Variants in RTKN2 observed in about 807,000 individuals in gnomAD.
The protein encoded by RTKN2 is rhotekin-2.
A neutral mutation model predicts 71.5 loss-of-function variants in RTKN2; 69 were observed. The observed-to-expected ratio is 0.96, with a 90% confidence interval of 0.79 to 1.18. The LOEUF (loss-of-function observed/expected upper bound fraction) is 1.18, where lower values mean the gene tolerates loss of function less well. Ranked by LOEUF, RTKN2 falls within the 50% of genes most tolerant of loss-of-function variation. The probability of loss-of-function intolerance (pLI) is 0.00; values close to 1 mark genes in which losing one functional copy is unlikely to be tolerated. For synonymous variants in RTKN2, 236 were observed against 236.5 expected, an observed-to-expected ratio of 1.00 and a Z score of 0.02; for missense variants, 724 against 719.7, an observed-to-expected ratio of 1.01 and a Z score of -0.07.
At chr10:62,189,671 C>CA (rs1367768435), downstream of RTKN2, among the ~76,000 whole-genome samples, 1 of 152,060 alleles carries the variant, frequency 6.6e-6, no homozygotes, top group African/African-American at 2.4e-5. Context: ...ACTAAAAATA[C>CA]AAAAATTAGC....
intron 9 of RTKN2, among the ~76,000 whole-genome samples, chr10:62,205,286 T>C (rs1174474846): frequency 6.6e-6 from 1 of 152,188 alleles, no homozygotes; most frequent in East Asian, 1.9e-4. Context: ...TTACATGAGA[T>C]TAAAACATAA....
At position 62,193,308 on chromosome 10, in the gene RTKN2, T is replaced by C. The variant is rs186571878; in HGVS notation, c.*4600A>G. The C allele has an allele frequency of 1.9e-4, 187 of 978,942 alleles. 1 individual carries two copies. Among genetic ancestry groups the C allele is most frequent in the Admixed American group, 1.7e-3 (27 of 16,278 alleles). 60.6% of individuals were successfully genotyped at this position (978,942 alleles called of 1,614,324 possible). On this transcript the variant is annotated 3_prime_UTR_variant, in exon 12 of 12. Transcript: ENST00000373789. Reference sequence around the variant, plus strand: ...TAGTAGTTACATTAAGAGATTACCATGTCTCAAGAGCAAACTGCTGGAATT... The same window carrying C: ...TAGTAGTTACATTAAGAGATTACCACGTCTCAAGAGCAAACTGCTGGAATT...
intron 10 of RTKN2, among the ~76,000 whole-genome samples, chr10:62,203,836 G>C (rs1241676219): frequency 2.6e-5 from 4 of 152,158 alleles, no homozygotes; most frequent in Non-Finnish European, 5.9e-5. Flanking sequence ...CTCATCTTCA[G>C]AGCAAAGGGA....
intron 6 of RTKN2, among the ~76,000 whole-genome samples, chr10:62,229,646 T>C (rs950688993): frequency 6.6e-6 from 1 of 152,220 alleles, no homozygotes; most frequent in African/African-American, 2.4e-5. Context: ...ACACTATTAG[T>C]GTGCACAGGA....
intron 9 of RTKN2, among the ~76,000 whole-genome samples, chr10:62,207,917 C>G (rs1841580039): frequency 6.6e-6 from 1 of 152,076 alleles, no homozygotes; most frequent in Non-Finnish European, 1.5e-5. Flanking sequence ...TTGCTAATCT[C>G]AAAACTTCAA....
intron 1 of RTKN2, among the ~76,000 whole-genome samples, 165 bp downstream of exon 1, chr10:62,268,386 T>C (rs2133124791): frequency 6.6e-6 from 1 of 152,354 alleles, no homozygotes; most frequent in African/African-American, 2.4e-5. Flanking sequence ...CCAGGCCCTT[T>C]AGAGCCCCAA....
intron 9 of RTKN2, among the ~76,000 whole-genome samples, chr10:62,215,450 G>A (rs1476712552): frequency 6.6e-6 from 1 of 151,928 alleles, no homozygotes; most frequent in East Asian, 1.9e-4. Context: ...TCCTTGATGA[G>A]GTCCTGGATC....
Position 62,268,758 on chromosome 10 carries a change from G to T in RTKN2, c.-148C>A. The T allele has an allele frequency of 1.3e-6, 1 of 787,168 alleles. No individual in the cohort carries two copies. The allele number at this position is 787,168 out of a possible 1,614,324, so 48.8% of individuals were successfully genotyped here. ...CCGGGGGCGCAGGAGGAGCCGGGCC[G>T]AAGCGCACGCGCAGTGGGCGCGCCT... On this transcript the variant is annotated 5_prime_UTR_variant, in exon 1 of 12. Coordinates refer to ENST00000373789, the MANE Select transcript of RTKN2 (RefSeq NM_145307.4).
At chr10:62,241,455 CTGAT>C (rs775381915) in intron 3 of RTKN2, among the ~76,000 whole-genome samples, 23 of 152,258 alleles carry the variant, frequency 1.5e-4, no homozygotes, top group Admixed American at 3.3e-4. Flanking sequence ...TTCTTCCTTA[CTGAT>C]TAATTATGAC....
intron 1 of RTKN2, among the ~76,000 whole-genome samples, chr10:62,266,492 A>G (rs933391346): frequency 6.6e-6 from 1 of 152,234 alleles, no homozygotes; most frequent in African/African-American, 2.4e-5. Context: ...AGAATTGTTT[A>G]TGTACAGAAA....
intron 9 of RTKN2, among the ~76,000 whole-genome samples, chr10:62,211,840 GT>G (rs1841665308): frequency 6.6e-6 from 1 of 151,836 alleles, no homozygotes; most frequent in African/African-American, 2.4e-5. Flanking sequence ...AATTTTTTGT[GT>G]TTTTAGTAGA....
chr10:62,261,740 T>C (rs1260712099), intron 2 of RTKN2, among the ~76,000 whole-genome samples: 1 of 152,176 alleles, frequency 6.6e-6, no homozygotes, highest in Non-Finnish European at 1.5e-5. Context: ...TTACATTACA[T>C]CCTCATCAAA....
chr10:62,238,962 T>C (rs932162423), intron 5 of RTKN2: 8 of 152,026 alleles, frequency 5.3e-5, no homozygotes, highest in African/African-American at 1.7e-4. Context: ...TTTAGGCACA[T>C]AGAACCTTTG....
At chr10:62,260,457 T>C (rs1261574043) in intron 2 of RTKN2, among the ~76,000 whole-genome samples, 1 of 152,176 alleles carries the variant, frequency 6.6e-6, no homozygotes, top group Non-Finnish European at 1.5e-5. Flanking sequence ...AGAATACATA[T>C]AGACTATACA....
intron 10 of RTKN2, among the ~76,000 whole-genome samples, chr10:62,202,642 C>A (rs182786221): frequency 6.6e-6 from 1 of 152,192 alleles, no homozygotes; most frequent in East Asian, 1.9e-4. Flanking sequence ...AAAAATGTAA[C>A]CAGACCCGAG....
At chr10:62,255,071 T>A (rs1299201961) in intron 2 of RTKN2, among the ~76,000 whole-genome samples, 2 of 152,220 alleles carry the variant, frequency 1.3e-5, no homozygotes, top group African/African-American at 4.8e-5. Flanking sequence ...GTATTCACTG[T>A]ATAATTCTTT....
intron 6 of RTKN2, among the ~76,000 whole-genome samples, chr10:62,224,784 A>G (rs775393415): frequency 5.9e-5 from 9 of 152,168 alleles, no homozygotes; most frequent in Admixed American, 3.9e-4. Flanking sequence ...GCAGGAAAAC[A>G]TTCCAAGCAG....
rs748888350 is a variant in RTKN2 at position 62,223,297 on chromosome 10, AG to A, written c.721del (p.Leu241Ter). On this transcript the variant is annotated frameshift_variant, in exon 7 of 12. Transcript: ENST00000373789. LOFTEE classifies it high-confidence loss of function. ...VKYNLLAHTT[L>X]TLESAEDSFK... ...ACTATCCTCAGCACTTTCCAAGGTT[AG>A]GGTAGTGTGAGCTAGCAAATTATAC... 6.2e-7 allele frequency: 1 copy of A among 1,610,894 alleles called. No homozygotes were observed. Among genetic ancestry groups the A allele is most frequent in the South Asian group, 1.1e-5 (1 of 90,994 alleles).
chr10:62,224,008 T>C (rs142152691), intron 6 of RTKN2, among the ~76,000 whole-genome samples: 291 of 152,210 alleles, frequency 1.9e-3, no homozygotes, highest in African/African-American at 6.7e-3. Flanking sequence ...TGGAATATTA[T>C]TCAGCCTTAA....
Sources: allele counts gnomAD v4.1 joint callset (sites outside exome capture counted in the v4.1 genomes callset), GRCh38; gene constraint gnomAD v4.1.1; transcripts MANE v1.5; gene names NCBI Gene and HGNC (gene_info 2026-07-23, HGNC 2026-07-21).